PLPP4: variants seen among roughly 807,000 people sequenced by gnomAD.
PLPP4 encodes diacylglycerol pyrophosphate like 2.
PLPP4 carries 20 observed loss-of-function variants against 32.2 expected under a neutral mutation model. The ratio of observed to expected loss-of-function variants is 0.62; its 90% CI spans 0.44 to 0.90. The LOEUF is 0.90. Ranked by LOEUF, PLPP4 falls within the 40% of genes least tolerant of loss-of-function variation. The probability of loss-of-function intolerance (pLI) is 0.00; values close to 1 mark genes in which losing one functional copy is unlikely to be tolerated. For synonymous variants in PLPP4, 127 were observed against 133.0 expected, an observed-to-expected ratio of 0.95 and a Z score of 0.31; for missense variants, 257 against 353.1, an observed-to-expected ratio of 0.73 and a Z score of 2.18.
intron 5 of PLPP4, among the ~76,000 whole-genome samples, chr10:120,559,018 A>G (rs915254572): frequency 3.9e-5 from 6 of 152,162 alleles, no homozygotes. Context: ...GGCACCTAAC[A>G]TGGTCAGAAT....
intron 1 of PLPP4, among the ~76,000 whole-genome samples, chr10:120,501,213 T>C (rs1370803935): frequency 6.6e-6 from 1 of 152,238 alleles, no homozygotes; most frequent in Non-Finnish European, 1.5e-5. Flanking sequence ...ATTTGTTACG[T>C]AGCTACAGAA....
intron 5 of PLPP4, among the ~76,000 whole-genome samples, chr10:120,541,922 G>A (rs1847362802): frequency 6.6e-6 from 1 of 152,072 alleles, no homozygotes; most frequent in Non-Finnish European, 1.5e-5. Flanking sequence ...GATTACAGGC[G>A]ACCGCCACCA....
rs34266666 is a variant in PLPP4, at chr10:120,569,238, CAA to C, written c.446-5879_446-5878del. ...TGGGGTAAAGAGTGAGACTCCATCT[CAA>C]AAAAAAAAAAAAATTCTTAATCCTC... On this transcript the variant is annotated intron_variant, in intron 5 of 6. Coordinates refer to ENST00000398250, the MANE Select transcript of PLPP4 (RefSeq NM_001030059.3). Among the ~76,000 whole-genome samples, 31 of 141,394 alleles carry C rather than the reference CAA, an allele frequency of 2.2e-4. No individual in the cohort carries two copies. The East Asian group carries it at 5.9e-3, about 27-fold the overall frequency. 92.8% of individuals were successfully genotyped at this position (141,394 alleles called of 152,430 possible).
At chr10:120,489,903 T>G (rs931739050) in intron 1 of PLPP4, among the ~76,000 whole-genome samples, 1 of 152,180 alleles carries the variant, frequency 6.6e-6, no homozygotes, top group Non-Finnish European at 1.5e-5. Flanking sequence ...CAGTCATTGA[T>G]TCAACAAATA....
Position 120,591,575 on chromosome 10 carries a change from G to A in PLPP4, c.*2073G>A, listed in dbSNP as rs1256843537. On this transcript the variant is annotated 3_prime_UTR_variant, in exon 7 of 7. Coordinates refer to ENST00000398250, the MANE Select transcript of PLPP4 (RefSeq NM_001030059.3). ...AAACTCTATAATTTTCAAAAATAAAGCCCAAAATAGAAATGTAGGAAAAAG... is the reference window on the plus strand; with the variant it reads ...AAACTCTATAATTTTCAAAAATAAAACCCAAAATAGAAATGTAGGAAAAAG... 6.6e-6 allele frequency among the ~76,000 whole-genome samples: 1 copy of A among 150,882 alleles called. No individual in the cohort carries two copies. Among genetic ancestry groups the A allele is most frequent in the African/African-American group, 2.4e-5 (1 of 40,942 alleles).
At chr10:120,553,942 A>C (rs956667617) in intron 5 of PLPP4, among the ~76,000 whole-genome samples, 19 of 152,346 alleles carry the variant, frequency 1.2e-4, no homozygotes, top group African/African-American at 4.6e-4. Flanking sequence ...CATTTTCCCC[A>C]AAGTCTTGGC....
intron 5 of PLPP4, among the ~76,000 whole-genome samples, chr10:120,524,373 C>T (rs996394551): frequency 6.6e-6 from 1 of 152,046 alleles, no homozygotes; most frequent in Non-Finnish European, 1.5e-5. Context: ...CTTAAAAAAT[C>T]AATTTCATAG....
At chr10:120,580,855 C>T in intron 6 of PLPP4, 1 of 1,284,884 alleles carries the variant, frequency 7.8e-7, no homozygotes, top group Non-Finnish European at 1.0e-6. Flanking sequence ...CTCTAATATC[C>T]TCAGCCCAAG....
At chr10:120,534,973 T>G (rs1160260072) in intron 5 of PLPP4, among the ~76,000 whole-genome samples, 3 of 152,152 alleles carry the variant, frequency 2.0e-5, no homozygotes, top group African/African-American at 7.2e-5. Flanking sequence ...TGTTGCCTCC[T>G]TTTTCTCCTG....
At chr10:120,543,147 G>C (rs892386741) in intron 5 of PLPP4, among the ~76,000 whole-genome samples, 2 of 152,196 alleles carry the variant, frequency 1.3e-5, no homozygotes, top group Non-Finnish European at 2.9e-5. Context: ...AGACCTGCCT[G>C]CCACAGCTAA....
chr10:120,576,554 C>T (rs963798790), intron 6 of PLPP4, among the ~76,000 whole-genome samples: 52 of 152,320 alleles, frequency 3.4e-4, no homozygotes, highest in African/African-American at 1.2e-3. Context: ...ATCCCTACCC[C>T]GTATCCTCCT....
rs767083831 is a variant in PLPP4 at position 120,589,395 on chromosome 10, C to G, written c.709C>G (p.Pro237Ala). Residue 237 changes from proline to alanine, a missense_variant, in exon 7 of 7, where the codon CCC becomes GCC. Physicochemically the swap from Pro to Ala is conservative, Grantham distance 27 (BLOSUM62 -1). Transcript: ENST00000398250. ...TCTGGCCAACACAGCTTGCCATAAA[C>G]CCTACGTTAGTCTGCGAGTCCCAGC... ...PPLANTACHK[P>A]YVSLRVPASL... The G allele has an allele frequency of 6.2e-7, 1 of 1,614,142 alleles. No homozygotes were observed. The highest frequency in any genetic ancestry group is 1.1e-5 in the South Asian group (1 of 91,076).
At chr10:120,527,290 A>G (rs1185553154) in intron 5 of PLPP4, among the ~76,000 whole-genome samples, 4 of 152,088 alleles carry the variant, frequency 2.6e-5, no homozygotes, top group Non-Finnish European at 4.4e-5. Flanking sequence ...TGACCCCCCA[A>G]ATATGCGGAC....
intron 5 of PLPP4, among the ~76,000 whole-genome samples, chr10:120,533,619 A>G (rs193276973): frequency 1.1e-3 from 166 of 152,230 alleles, no homozygotes; most frequent in African/African-American, 4.0e-3. Flanking sequence ...TTTCCTATAT[A>G]GCTCTCTTGC....
At chr10:120,560,070 C>T (rs923001295) in intron 5 of PLPP4, among the ~76,000 whole-genome samples, 1 of 152,180 alleles carries the variant, frequency 6.6e-6, no homozygotes, top group African/African-American at 2.4e-5. Flanking sequence ...ACGAAATTGG[C>T]GGTGGGCCAC....
intron 5 of PLPP4, among the ~76,000 whole-genome samples, chr10:120,546,647 C>T (rs994762286): frequency 5.9e-5 from 9 of 152,198 alleles, no homozygotes; most frequent in African/African-American, 1.4e-4. Context: ...CTTCCCCCAA[C>T]GCAGTGCCCT....
At chr10:120,542,114 C>G (rs1297476618) in intron 5 of PLPP4, among the ~76,000 whole-genome samples, 1 of 152,176 alleles carries the variant, frequency 6.6e-6, no homozygotes, top group Non-Finnish European at 1.5e-5. Context: ...CAGCAAGGCG[C>G]TGTTGCCTGC....
At chr10:120,538,048 C>CTGTGTGTG (rs1564825171) in intron 5 of PLPP4, among the ~76,000 whole-genome samples, 3 of 21,892 alleles carry the variant, frequency 1.4e-4, no homozygotes, top group African/African-American at 6.0e-4. Flanking sequence ...CTCTCTCTCT[C>CTGTGTGTG]TCTCTGTGTG....
intron 1 of PLPP4, among the ~76,000 whole-genome samples, chr10:120,461,475 C>T (rs1196817103): frequency 2.6e-5 from 4 of 152,180 alleles, no homozygotes; most frequent in Non-Finnish European, 5.9e-5. Flanking sequence ...CTTCCATCTG[C>T]CCTTCTCCCT....
Sources: allele counts gnomAD v4.1 joint callset (sites outside exome capture counted in the v4.1 genomes callset), GRCh38; gene constraint gnomAD v4.1.1; transcripts MANE v1.5; gene names NCBI Gene and HGNC (gene_info 2026-07-23, HGNC 2026-07-21).